Variants in CLCC1 observed in about 807,000 individuals in gnomAD.
The protein encoded by CLCC1 is chloride channel CLIC-like protein 1.
In CLCC1, 39 loss-of-function variants were observed where a neutral mutation model predicts 63.3. The observed-to-expected ratio is 0.62, with a 90% CI of 0.48 to 0.81. The LOEUF is 0.81. CLCC1 is among the 30% of genes least tolerant of loss of function. CLCC1 has a pLI of 0.00. For missense variants in CLCC1, 549 were observed against 669.4 expected (o/e 0.82, Z 1.98); for synonymous variants, 217 against 239.8 (o/e 0.90, Z 0.88).
rs781692331 is a variant in CLCC1, at chr1:108,940,107, G to C, written c.832C>G (p.Pro278Ala). 3 of 1,613,206 alleles carry C rather than the reference G, an allele frequency of 1.9e-6. No individual in the cohort carries two copies. Among genetic ancestry groups the C allele is most frequent in the African/African-American group, 1.3e-5 (1 of 74,866 alleles). The change falls in exon 9 of 13, where the codon CCA (proline) becomes GCA (alanine). Residue 278 changes from proline (P) to alanine (A), a missense_variant. Physicochemically the swap from Pro to Ala is conservative, Grantham distance 27. Coordinates refer to ENST00000369969, the MANE Select transcript of CLCC1 (RefSeq NM_001377458.1). The stretch of plus-strand genomic sequence containing the variant: ...AAGAGCTCATAGTATTTTTGGCATG[G>C]GTCATCCTTATAGGTCCATGAACTT... ...FRSSWTYKDD[P>A]CQKYYELLLV... is the part of the protein sequence containing the mutation.
intron 2 of CLCC1, among the ~76,000 whole-genome samples, chr1:108,958,968 GT>G (rs1326241057): frequency 6.6e-6 from 1 of 151,236 alleles, no homozygotes; most frequent in African/African-American, 2.5e-5. Flanking sequence ...AAGATCGGGA[GT>G]TTGAGATCAG....
intron 11 of CLCC1, among the ~76,000 whole-genome samples, chr1:108,935,701 G>A (rs978641080): frequency 1.3e-5 from 2 of 152,176 alleles, no homozygotes; most frequent in African/African-American, 4.8e-5. Flanking sequence ...AGGATTTTGA[G>A]GCTGCAATGA....
intron 2 of CLCC1, among the ~76,000 whole-genome samples, chr1:108,955,676 C>T (rs1311945983): frequency 6.6e-6 from 1 of 151,458 alleles, no homozygotes. Flanking sequence ...AAGATCCACC[C>T]TCTGTAGGGG....
rs994524736 is a variant in CLCC1, at chr1:108,937,171, A to T, written c.1289T>A (p.Leu430Ter). Reference protein sequence around the residue: ...REILRERDVDLRFQTGNKSPE... With the variant: ...REILRERDVD ...GCTCTTGTTGCCAGTCTGAAATCTC[A>T]AGTCAACATCTCTCTCTCTCAAAAT... The change falls in exon 11 of 13, where the codon TTG (leucine) becomes TAG (stop). Residue 430 changes from leucine (L) to a stop codon, truncating the protein, a stop_gained. Coordinates refer to ENST00000369969, the MANE Select transcript of CLCC1 (RefSeq NM_001377458.1). LOFTEE classifies it high-confidence loss of function. 6.3e-7 allele frequency: 1 copy of T among 1,585,602 alleles called. No individual in the cohort carries two copies. Among genetic ancestry groups the T allele is most frequent in the Non-Finnish European group, 8.6e-7 (1 of 1,166,716 alleles).
intron 2 of CLCC1, among the ~76,000 whole-genome samples, chr1:108,959,399 T>C (rs976271766): frequency 6.6e-6 from 1 of 151,594 alleles, no homozygotes; most frequent in Non-Finnish European, 1.5e-5. Context: ...TATGATGAGG[T>C]TGCTAAGATC....
chr1:108,939,250 A>ATATTATATAT, intron 10 of CLCC1, among the ~76,000 whole-genome samples: 1 of 145,876 alleles, frequency 6.9e-6, no homozygotes, highest in African/African-American at 2.5e-5. Context: ...ATATAAATAT[A>ATATTATATAT]GACAGATATA....
chr1:108,956,816 A>C (rs558560694), intron 2 of CLCC1, among the ~76,000 whole-genome samples: 1 of 132,532 alleles, frequency 7.5e-6, no homozygotes, highest in East Asian at 2.5e-4. Context: ...GTGGAGAAGA[A>C]GCTGAAGCAG....
intron 2 of CLCC1, among the ~76,000 whole-genome samples, chr1:108,956,711 A>T (rs1655938123): frequency 6.6e-6 from 1 of 151,018 alleles, no homozygotes; most frequent in African/African-American, 2.5e-5. Flanking sequence ...ATGCAAGCAG[A>T]TAACCACAAG....
intron 4 of CLCC1, among the ~76,000 whole-genome samples, chr1:108,948,152 G>A (rs1215864229): frequency 6.6e-6 from 1 of 152,228 alleles, no homozygotes; most frequent in African/African-American, 2.4e-5. Context: ...GAAACAAGAT[G>A]AAGCCAGACG....
rs758937379 is a variant in CLCC1 at position 108,937,251 on chromosome 1, T to C, written c.1209A>G (p.Gln403=). Residue 403 remains glutamine (Q), a synonymous_variant, in exon 11 of 13, where the codon CAA becomes CAG. Transcript: ENST00000369969. ...AGDADFHYRG[Q]MGPTEQGPYA... ...AAGGGCCTTGCTCAGTGGGGCCCAT[T>C]TGGCCCCTATAATGGAAATCGGCAT... 1 of 1,614,180 alleles carries C rather than the reference T, an allele frequency of 6.2e-7. No individual in the cohort carries two copies. The highest frequency in any genetic ancestry group is 2.2e-5 in the East Asian group (1 of 44,882).
chr1:108,934,433 T>G, intron 12 of CLCC1, 192 bp downstream of exon 12: 1 of 504,856 alleles, frequency 2.0e-6, no homozygotes. Context: ...AATAAACACT[T>G]CTTACTTTAT....
intron 10 of CLCC1, among the ~76,000 whole-genome samples, chr1:108,938,565 C>T (rs1039283423): frequency 2.0e-5 from 3 of 152,210 alleles, no homozygotes; most frequent in Non-Finnish European, 4.4e-5. Flanking sequence ...TATGCGACAA[C>T]TGCTTTACTT....
At chr1:108,947,326 C>T (rs1339107780) in intron 5 of CLCC1, among the ~76,000 whole-genome samples, 2 of 152,092 alleles carry the variant, frequency 1.3e-5, no homozygotes, top group African/African-American at 2.4e-5. Flanking sequence ...AATTATCACC[C>T]CACCTCCTCA....
Position 108,963,367 on chromosome 1 carries a change from G to T in CLCC1, c.-179C>A. 1.4e-6 allele frequency: 1 copy of T among 702,418 alleles called. No homozygotes were observed. The highest frequency in any genetic ancestry group is 1.5e-5 in the South Asian group (1 of 67,596). 43.5% of individuals were successfully genotyped at this position (702,418 alleles called of 1,614,324 possible). The stretch of plus-strand genomic sequence containing the variant: ...CCCAACTGCACGGACTCACGTCCGG[G>T]ATCCCCTGCCTGCCTCTCGAGGAAG... On this transcript the variant is annotated 5_prime_UTR_variant, in exon 1 of 13. Coordinates refer to ENST00000369969, the MANE Select transcript of CLCC1 (RefSeq NM_001377458.1).
intron 5 of CLCC1, among the ~76,000 whole-genome samples, chr1:108,946,426 C>G (rs1490448381): frequency 6.6e-6 from 1 of 152,146 alleles, no homozygotes; most frequent in Non-Finnish European, 1.5e-5. Context: ...CTGTAAGGCT[C>G]AAATTACAGA....
chr1:108,938,044 A>G (rs3517), intron 10 of CLCC1, among the ~76,000 whole-genome samples: 54,111 of 152,078 alleles, frequency 0.36, 11,676 homozygotes, highest in African/African-American at 0.6. Context: ...ACAACGGAGC[A>G]TTCCAGATGC....
intron 7 of CLCC1, 150 bp from the exon 8 acceptor site, chr1:108,941,648 T>G: frequency 2.2e-6 from 1 of 464,846 alleles, no homozygotes; most frequent in Non-Finnish European, 3.7e-6. Flanking sequence ...ATATTATTAT[T>G]ACTATTTTTT....
intron 9 of CLCC1, 36 bp downstream of exon 9, chr1:108,940,009 T>A: frequency 6.7e-7 from 1 of 1,489,244 alleles, no homozygotes; most frequent in Non-Finnish European, 9.2e-7. Flanking sequence ...GATTTCTGAC[T>A]GACTTTAAGT....
rs757251927 is a variant in CLCC1 at position 108,929,680 on chromosome 1, ATC to A, written c.*2865_*2866del. The A allele has an allele frequency of 1.2e-6, 2 of 1,610,250 alleles. No homozygotes were observed. Among genetic ancestry groups the A allele is most frequent in the South Asian group, 2.2e-5 (2 of 91,010 alleles). On this transcript the variant is annotated 3_prime_UTR_variant, in exon 13 of 13. Transcript: ENST00000369969. Reference sequence around the variant, plus strand: ...TTTCTTTCCCACAGTATGTCTTTTAATCTCTCTCATAAACTTCTAGGGATCCA... The same window carrying A: ...TTTCTTTCCCACAGTATGTCTTTTAATCTCTCATAAACTTCTAGGGATCCA...
Sources: gnomAD v4.1 joint callset for allele counts (sites outside exome capture counted in the v4.1 genomes callset) on GRCh38, gnomAD v4.1.1 for gene constraint, MANE v1.5 for transcripts, NCBI Gene and HGNC (gene_info 2026-07-23, HGNC 2026-07-21) for gene names.